The following ROBO2 variants were observed in gnomAD, a reference collection of about 807,000 sequenced individuals.
ROBO2 encodes the protein roundabout homolog 2.
Under a neutral mutation model 160.8 loss-of-function variants are expected in ROBO2, and 53 were observed. That is an observed-to-expected ratio of 0.33 (90% CI 0.26 to 0.41). The LOEUF is 0.41. Among genes scored for constraint, ROBO2 ranks in the 10% least tolerant of loss-of-function variants. The pLI is 1.00. For synonymous variants in ROBO2, 664 were observed against 611.7 expected (o/e 1.09, Z -1.26); for missense variants, 1,577 against 1,722.4 (o/e 0.92, Z 1.49).
chr3:76,607,916 G>A (rs1187956628), intron 2 of ROBO2, among the ~76,000 whole-genome samples: 4 of 152,086 alleles, frequency 2.6e-5, no homozygotes, highest in Non-Finnish European at 5.9e-5. Context: ...AACACTTCTT[G>A]CTAAGATTAT....
intron 2 of ROBO2, among the ~76,000 whole-genome samples, chr3:77,016,446 C>T (rs572115102): frequency 6.6e-6 from 1 of 152,146 alleles, no homozygotes; most frequent in African/African-American, 2.4e-5. Context: ...TCCCTATCTT[C>T]GTATGCATTG....
Position 77,559,114 on chromosome 3 carries a change from C to A in ROBO2, c.1437+965C>A, listed in dbSNP as rs77616222. 6.4e-3 allele frequency among the ~76,000 whole-genome samples: 980 copies of A among 152,200 alleles called. 8 individuals are homozygous for A. Among genetic ancestry groups the A allele is most frequent in the African/African-American group, 0.022 (924 of 41,546 alleles). On this transcript the variant is annotated intron_variant, in intron 9 of 25. Coordinates refer to ENST00000461745, the Ensembl canonical transcript of ROBO2. ...GGTTCCTTGCCATCTGGATCTTCCC[C>A]ATATGACTACTTGCTTCCTCCAAGT...
Position 77,501,914 on chromosome 3 carries a change from C to T in ROBO2, c.806+8532C>T, listed in dbSNP as rs1255276426. 1.1e-4 allele frequency among the ~76,000 whole-genome samples: 16 copies of T among 152,198 alleles called. No homozygotes were observed. The East Asian group carries it at 3.1e-3, about 29-fold the overall frequency. ...GGCTTTTATTGTTAAAAAGCCGGTA[C>T]TGATTCAAAATAGCTGTTTCTGACT... On this transcript the variant is annotated intron_variant, in intron 5 of 25. Transcript: ENST00000461745.
chr3:77,368,435 G>T (rs2071255096), intron 2 of ROBO2, among the ~76,000 whole-genome samples: 1 of 152,108 alleles, frequency 6.6e-6, no homozygotes, highest in South Asian at 2.1e-4. Flanking sequence ...GTGACATGAA[G>T]TTGAAACAAG....
At chr3:76,518,396 ACAT>A (rs1447777141) in intron 2 of ROBO2, among the ~76,000 whole-genome samples, 1 of 152,114 alleles carries the variant, frequency 6.6e-6, no homozygotes, top group African/African-American at 2.4e-5. Context: ...TAAAATAATC[ACAT>A]CATGATTCCC....
chr3:77,527,606 A>G (rs568832357), intron 6 of ROBO2, among the ~76,000 whole-genome samples, 192 bp downstream of exon 7: 1 of 151,742 alleles, frequency 6.6e-6, no homozygotes, highest in South Asian at 2.1e-4. Flanking sequence ...GACTTTTGCT[A>G]CATAGCAATA....
intron 2 of ROBO2, among the ~76,000 whole-genome samples, chr3:76,237,779 G>T (rs564925463): frequency 2.0e-5 from 3 of 152,310 alleles, no homozygotes; most frequent in Non-Finnish European, 4.4e-5. Flanking sequence ...GGACATGAGT[G>T]TGAAAAAACT....
chr3:76,307,093 G>T (rs577953542), intron 2 of ROBO2, among the ~76,000 whole-genome samples: 2 of 152,204 alleles, frequency 1.3e-5, no homozygotes, highest in East Asian at 1.9e-4. Context: ...CTCATCTATA[G>T]GTTCCACACC....
rs147187243 is a variant in ROBO2 at position 77,617,813 on chromosome 3, C to T, written c.3554+40C>T. ...TAAGTCAAGAGACCCATGCTTTCAA[C>T]ACATGGAAATTTTTTTCAGAATAAA... On this transcript the variant is annotated intron_variant, in intron 22 of 25. Transcript: ENST00000461745. The T allele has an allele frequency of 1.9e-6, 3 of 1,605,138 alleles. No homozygotes were observed. In the East Asian group the frequency reaches 6.7e-5, roughly 36 times the overall value.
At chr3:77,359,612 G>A (rs1328902099) in intron 2 of ROBO2, among the ~76,000 whole-genome samples, 9 of 152,076 alleles carry the variant, frequency 5.9e-5, no homozygotes, top group Admixed American at 1.3e-4. Context: ...AGCAGATAGG[G>A]TAGAGAGGGC....
chr3:75,994,611 T>C (rs1281174570), intron 2 of ROBO2, among the ~76,000 whole-genome samples: 1 of 152,228 alleles, frequency 6.6e-6, no homozygotes, highest in Non-Finnish European at 1.5e-5. Context: ...TAATGAAATA[T>C]CTTTTCTTTA....
At chr3:77,503,523 C>CTACA (rs2087964710) in intron 5 of ROBO2, among the ~76,000 whole-genome samples, 2 of 144,502 alleles carry the variant, frequency 1.4e-5, no homozygotes, top group African/African-American at 5.2e-5. Context: ...GAGTCCGTCT[C>CTACA]TAAATAAATA....
chr3:77,420,954 TC>T (rs1344349657), intron 2 of ROBO2, among the ~76,000 whole-genome samples: 1 of 152,142 alleles, frequency 6.6e-6, no homozygotes, highest in Non-Finnish European at 1.5e-5. Context: ...AATGTCAAAT[TC>T]CCATAAGTTT....
At chr3:77,106,901 G>A (rs549407784) in intron 2 of ROBO2, among the ~76,000 whole-genome samples, 2 of 152,320 alleles carry the variant, frequency 1.3e-5, no homozygotes, top group East Asian at 3.9e-4. Flanking sequence ...AGGTTGGGTT[G>A]TTTCTCTAAA....
intron 2 of ROBO2, among the ~76,000 whole-genome samples, chr3:76,782,526 T>A (rs1414889648): frequency 2.0e-5 from 3 of 150,878 alleles, no homozygotes; most frequent in Admixed American, 1.3e-4. Context: ...TCTTCAGTTC[T>A]GATAATATTT....
chr3:76,922,949 C>A (rs1414998912), intron 2 of ROBO2, among the ~76,000 whole-genome samples: 1 of 152,184 alleles, frequency 6.6e-6, no homozygotes, highest in Non-Finnish European at 1.5e-5. Flanking sequence ...TGTTTTCAAT[C>A]TTCTCATGAT....
At chr3:76,608,079 T>G (rs2109037980) in intron 2 of ROBO2, among the ~76,000 whole-genome samples, 1 of 152,364 alleles carries the variant, frequency 6.6e-6, no homozygotes, top group African/African-American at 2.4e-5. Flanking sequence ...CCATAAAGTT[T>G]TACAGTCTTC....
intron 2 of ROBO2, among the ~76,000 whole-genome samples, chr3:77,312,240 G>A (rs1420124810): frequency 6.6e-6 from 1 of 152,244 alleles, no homozygotes; most frequent in African/African-American, 2.4e-5. Context: ...ACAGTTAGAA[G>A]TTTTGTTTAT....
chr3:75,916,238 T>C (rs1444854675), intron 1 of ROBO2, among the ~76,000 whole-genome samples: 1 of 152,224 alleles, frequency 6.6e-6, no homozygotes, highest in Non-Finnish European at 1.5e-5. Flanking sequence ...TCGTTCACCT[T>C]GGTAGAGAAC....
Sources: allele counts gnomAD v4.1 joint callset (sites outside exome capture counted in the v4.1 genomes callset), GRCh38; gene constraint gnomAD v4.1.1; transcripts MANE v1.5; gene names NCBI Gene and HGNC (gene_info 2026-07-23, HGNC 2026-07-21).